Variants in ERMP1 observed in about 807,000 individuals in gnomAD.
ERMP1 encodes the protein endoplasmic reticulum metallopeptidase 1, also known as Felix-ina.
In ERMP1, 86 loss-of-function variants were observed where a neutral mutation model predicts 92.0. The ratio of observed to expected loss-of-function variants is 0.93; its 90% CI spans 0.79 to 1.12. ERMP1 has a LOEUF of 1.12. Among genes scored for constraint, ERMP1 ranks in the 50% most tolerant of loss-of-function variants. ERMP1 has a pLI of 0.00. For missense variants in ERMP1, 1,342 were observed against 1,116.3 expected (o/e 1.20, Z -2.88); for synonymous variants, 530 against 412.8 (o/e 1.28, Z -3.44).
chr9:5,845,485 T>A (rs761305211), intron 6 of ERMP1, among the ~76,000 whole-genome samples: 1 of 152,034 alleles, frequency 6.6e-6, no homozygotes, highest in African/African-American at 2.4e-5. Flanking sequence ...CTTATTCAAG[T>A]TATCTTCTCT....
At chr9:5,793,247 C>T (rs1198640477) in intron 13 of ERMP1, among the ~76,000 whole-genome samples, 1 of 150,262 alleles carries the variant, frequency 6.7e-6, no homozygotes, top group Non-Finnish European at 1.5e-5. Flanking sequence ...GTACTGCAAA[C>T]GACAGGGCAG....
At chr9:5,812,608 A>G in intron 5 of ERMP1, 1 of 455,780 alleles carries the variant, frequency 2.2e-6, no homozygotes, top group Non-Finnish European at 3.9e-6. Context: ...CAACAACGAA[A>G]GACCCCTGAA....
chr9:5,791,451 G>A (rs115690486), intron 13 of ERMP1, among the ~76,000 whole-genome samples: 133 of 152,334 alleles, frequency 8.7e-4, no homozygotes, highest in African/African-American at 3.1e-3. Context: ...TGATTTGCAT[G>A]TTAATCTTAC....
intron 13 of ERMP1, among the ~76,000 whole-genome samples, chr9:5,788,111 T>G (rs1828018569): frequency 6.6e-6 from 1 of 152,196 alleles, no homozygotes; most frequent in African/African-American, 2.4e-5. Flanking sequence ...CTGATGACAG[T>G]GGAAGTCAAA....
chr9:5,798,784 A>G (rs1167276298), intron 12 of ERMP1, 22 bp downstream of exon 12: 4 of 1,548,592 alleles, frequency 2.6e-6, no homozygotes, highest in Admixed American at 1.7e-5. Flanking sequence ...ACTAACCTTA[A>G]GCAGAAAAAT....
chr9:5,825,973 A>T, intron 2 of ERMP1, among the ~76,000 whole-genome samples: 1 of 152,232 alleles, frequency 6.6e-6, no homozygotes, highest in East Asian at 1.9e-4. Flanking sequence ...ATTTGATGAT[A>T]CCAAGGAATT....
chr9:5,815,308 G>A (rs1176495265), intron 4 of ERMP1, among the ~76,000 whole-genome samples: 1 of 152,118 alleles, frequency 6.6e-6, no homozygotes, highest in Non-Finnish European at 1.5e-5. Context: ...GACTAGCAAA[G>A]TACAAGGTAA....
intron 13 of ERMP1, among the ~76,000 whole-genome samples, chr9:5,789,333 T>C (rs1586761155): frequency 2.0e-5 from 3 of 152,070 alleles, no homozygotes; most frequent in African/African-American, 7.2e-5. Flanking sequence ...AAAAACAATA[T>C]ATAAAACAAG....
intron 5 of ERMP1, chr9:5,812,674 T>A: frequency 3.4e-6 from 2 of 594,006 alleles, no homozygotes; most frequent in East Asian, 6.1e-5. Context: ...CCTGTTCTTC[T>A]ATGGGGAAAG....
upstream of ERMP1, chr9:5,833,227 G>A: frequency 6.0e-6 from 3 of 502,738 alleles, no homozygotes; most frequent in South Asian, 3.5e-5. Flanking sequence ...CTGCAGGGCC[G>A]ACCCAGCAGC....
chr9:5,832,661 G>A, intron 1 of ERMP1, 29 bp downstream of exon 1: 1 of 1,368,422 alleles, frequency 7.3e-7, no homozygotes, highest in Non-Finnish European at 9.4e-7. Flanking sequence ...ACGGACGCGC[G>A]GGCCGTGCCA....
chr9:5,827,642 A>C (rs1829774652), intron 2 of ERMP1, among the ~76,000 whole-genome samples: 1 of 151,984 alleles, frequency 6.6e-6, no homozygotes. Flanking sequence ...CAGGCAGATC[A>C]CGAGGTCAGG....
At chr9:5,809,519 G>A (rs1349863663) in intron 8 of ERMP1, among the ~76,000 whole-genome samples, 1 of 152,172 alleles carries the variant, frequency 6.6e-6, no homozygotes, top group African/African-American at 2.4e-5. Flanking sequence ...AGAAAAAACA[G>A]TGAGGGAAAA....
intron 5 of ERMP1, among the ~76,000 whole-genome samples, chr9:5,865,816 C>G (rs1265897437): frequency 8.8e-6 from 1 of 113,870 alleles, no homozygotes; most frequent in Non-Finnish European, 1.7e-5. Flanking sequence ...CCAGCCCGGG[C>G]AACAGAGTGA....
At chr9:5,849,949 C>G (rs1158020677) in intron 6 of ERMP1, among the ~76,000 whole-genome samples, 1 of 152,206 alleles carries the variant, frequency 6.6e-6, no homozygotes, top group Non-Finnish European at 1.5e-5. Flanking sequence ...TTAATGAACA[C>G]AGAATCATAT....
chr9:5,861,195 G>GTGTGTGTGTGTGTGTA (rs1830481705), intron 5 of ERMP1, among the ~76,000 whole-genome samples: 22 of 107,972 alleles, frequency 2.0e-4, no homozygotes, highest in Non-Finnish European at 3.2e-4. Flanking sequence ...GTGTGTGTGT[G>GTGTGTGTGTGTGTGTA]TGTGTGTGTG....
chr9:5,828,491 A>T (rs1375235237), intron 2 of ERMP1, among the ~76,000 whole-genome samples: 3 of 152,210 alleles, frequency 2.0e-5, no homozygotes, highest in Non-Finnish European at 4.4e-5. Context: ...GAATCTATAT[A>T]ACACTTTACT....
intron 4 of ERMP1, among the ~76,000 whole-genome samples, chr9:5,816,734 T>C (rs890415683): frequency 1.3e-5 from 2 of 152,126 alleles, no homozygotes; most frequent in Non-Finnish European, 2.9e-5. Flanking sequence ...AATGGATCAA[T>C]TGTTGTAGAA....
intron 2 of ERMP1, among the ~76,000 whole-genome samples, chr9:5,828,475 CA>C (rs2129674601): frequency 6.6e-6 from 1 of 152,318 alleles, no homozygotes; most frequent in South Asian, 2.1e-4. Flanking sequence ...GGCAACAGCA[CA>C]AAAGGAATCT....
Sources: gnomAD v4.1 joint callset for allele counts (sites outside exome capture counted in the v4.1 genomes callset) on GRCh38, gnomAD v4.1.1 for gene constraint, MANE v1.5 for transcripts, NCBI Gene and HGNC (gene_info 2026-07-23, HGNC 2026-07-21) for gene names.